The following MTUS2 variants were observed in gnomAD, a reference collection of about 807,000 sequenced individuals.
MTUS2 encodes microtubule associated scaffold protein 2, also known as microtubule-associated tumor suppressor candidate 2.
In MTUS2, 40 loss-of-function variants were observed where a neutral mutation model predicts 114.1. The observed-to-expected ratio is 0.35, with a 90% CI of 0.27 to 0.46. The LOEUF is 0.46. MTUS2 is among the 20% of genes least tolerant of loss of function. The pLI, the probability that MTUS2 is intolerant of heterozygous loss-of-function variation, is 1.00. For missense variants in MTUS2, 1,679 were observed against 1,705.4 expected (o/e 0.98, Z 0.27); for synonymous variants, 688 against 672.0 (o/e 1.02, Z -0.37).
At chr13:29,268,172 G>A (rs111819440) in intron 5 of MTUS2, among the ~76,000 whole-genome samples, 5,406 of 152,152 alleles carry the variant, frequency 0.036, 135 homozygotes, top group African/African-American at 0.069. Flanking sequence ...GACAGGCCCC[G>A]GTGTGTGATA....
chr13:29,353,068 C>T (rs1331928706), intron 7 of MTUS2, among the ~76,000 whole-genome samples: 1 of 152,156 alleles, frequency 6.6e-6, no homozygotes, highest in Non-Finnish European at 1.5e-5. Context: ...TTGATTGCAT[C>T]TTCTCATTAT....
intron 5 of MTUS2, among the ~76,000 whole-genome samples, chr13:29,193,183 G>C (rs937660552): frequency 6.6e-6 from 1 of 152,094 alleles, no homozygotes; most frequent in Non-Finnish European, 1.5e-5. Context: ...TGGTGGGAGA[G>C]TGACCTCCCA....
intron 2 of MTUS2, among the ~76,000 whole-genome samples, chr13:28,869,438 C>T (rs763347662): frequency 4.6e-5 from 7 of 152,172 alleles, no homozygotes; most frequent in Non-Finnish European, 1.0e-4. Flanking sequence ...TGAAGAAAGA[C>T]TCTTTTTCCT....
chr13:28,833,633 A>G (rs1874860668), intron 1 of MTUS2, among the ~76,000 whole-genome samples: 1 of 152,128 alleles, frequency 6.6e-6, no homozygotes, highest in Admixed American at 6.5e-5. Context: ...TTTTCCTCTT[A>G]AAACAAGGAA....
At chr13:28,955,133 G>A (rs1456063047) in intron 2 of MTUS2, among the ~76,000 whole-genome samples, 4 of 152,140 alleles carry the variant, frequency 2.6e-5, no homozygotes, top group Admixed American at 2.0e-4. Flanking sequence ...CAAAGACTTT[G>A]CCCTTTCTAA....
At chr13:29,158,502 A>G (rs920430840) in intron 5 of MTUS2, among the ~76,000 whole-genome samples, 4 of 151,538 alleles carry the variant, frequency 2.6e-5, no homozygotes, top group African/African-American at 9.7e-5. Flanking sequence ...TGAGAGCTGG[A>G]CCCAGAAAGA....
At chr13:29,185,312 C>T in intron 5 of MTUS2, among the ~76,000 whole-genome samples, 1 of 152,034 alleles carries the variant, frequency 6.6e-6, no homozygotes, top group East Asian at 1.9e-4. Flanking sequence ...CCAACATATG[C>T]AAATGGGCGT....
At chr13:29,272,739 AG>A (rs1193882717) in intron 5 of MTUS2, among the ~76,000 whole-genome samples, 1 of 152,208 alleles carries the variant, frequency 6.6e-6, no homozygotes, top group Non-Finnish European at 1.5e-5. Context: ...CCCTTAGCAC[AG>A]GCTTCTCTGG....
chr13:28,925,694 A>G (rs1387013845), intron 2 of MTUS2, among the ~76,000 whole-genome samples: 1 of 152,144 alleles, frequency 6.6e-6, no homozygotes, highest in African/African-American at 2.4e-5. Context: ...AAGTTAACTC[A>G]CCTCTGGTGT....
chr13:29,007,267 G>C (rs1005563887), intron 2 of MTUS2, among the ~76,000 whole-genome samples: 2 of 151,902 alleles, frequency 1.3e-5, no homozygotes, highest in African/African-American at 4.8e-5. Context: ...AGTGATAAAA[G>C]GCTTATTATA....
At chr13:28,874,184 ATT>A (rs1302906774) in intron 2 of MTUS2, among the ~76,000 whole-genome samples, 1 of 151,968 alleles carries the variant, frequency 6.6e-6, no homozygotes, top group Non-Finnish European at 1.5e-5. Flanking sequence ...TGTCTGGCTA[ATT>A]TTTGTATTTT....
At chr13:29,062,919 C>T (rs534247709) in intron 4 of MTUS2, among the ~76,000 whole-genome samples, 13 of 152,314 alleles carry the variant, frequency 8.5e-5, no homozygotes, top group Middle Eastern at 3.4e-3. Context: ...TTACATCTTA[C>T]ATCATTTTCG....
chr13:29,139,676 T>G (rs1892134622), intron 5 of MTUS2, among the ~76,000 whole-genome samples: 1 of 152,300 alleles, frequency 6.6e-6, no homozygotes, highest in Middle Eastern at 3.4e-3. Flanking sequence ...ATTATTGCAT[T>G]GTCTTATATT....
chr13:28,888,223 C>T lies in MTUS2; in HGVS notation c.-243+48373C>T, dbSNP rs557607850. ...GCTTCTGAACCATGTATTGCTGGGGCTTTGCATGATATTTGGGTCTCAGAG... is the reference window on the plus strand; with the variant it reads ...GCTTCTGAACCATGTATTGCTGGGGTTTTGCATGATATTTGGGTCTCAGAG... On this transcript the variant is annotated intron_variant, in intron 2 of 15. Coordinates refer to ENST00000612955, the MANE Select transcript of MTUS2 (RefSeq NM_001033602.4). Among the ~76,000 whole-genome samples the T allele has an allele frequency of 2.1e-3, 324 of 152,244 alleles. 3 individuals carry two copies. The highest frequency in any genetic ancestry group is 7.0e-3 in the African/African-American group (291 of 41,548).
At chr13:29,212,767 A>G (rs1405959817) in intron 5 of MTUS2, among the ~76,000 whole-genome samples, 1 of 152,264 alleles carries the variant, frequency 6.6e-6, no homozygotes. Flanking sequence ...CCCCACAGAG[A>G]GAGGTTGCTC....
intron 5 of MTUS2, among the ~76,000 whole-genome samples, chr13:29,120,893 AAAGCAG>A (rs1273267138): frequency 6.6e-6 from 1 of 152,242 alleles, no homozygotes; most frequent in Non-Finnish European, 1.5e-5. Context: ...ATAGCAAGAA[AAAGCAG>A]AACCTGCTTA....
chr13:28,975,727 C>A (rs1353259423), intron 2 of MTUS2, among the ~76,000 whole-genome samples: 1 of 152,110 alleles, frequency 6.6e-6, no homozygotes, highest in Non-Finnish European at 1.5e-5. Context: ...TATTTTTATC[C>A]CTAATTTTTG....
chr13:29,129,117 G>GT (rs1413414358), intron 5 of MTUS2, among the ~76,000 whole-genome samples: 4 of 151,470 alleles, frequency 2.6e-5, no homozygotes, highest in Non-Finnish European at 4.4e-5. Flanking sequence ...ACTTTCTCTG[G>GT]TTTATAAATA....
intron 5 of MTUS2, among the ~76,000 whole-genome samples, chr13:29,137,571 TTTC>T (rs1273959221): frequency 2.0e-5 from 3 of 152,028 alleles, no homozygotes; most frequent in South Asian, 2.1e-4. Context: ...TTCTTTGTTC[TTTC>T]TTCTTCTTTC....
Sources: allele counts gnomAD v4.1 joint callset (sites outside exome capture counted in the v4.1 genomes callset), GRCh38; gene constraint gnomAD v4.1.1; transcripts MANE v1.5; gene names NCBI Gene and HGNC (gene_info 2026-07-23, HGNC 2026-07-21).